Variants in CLCA1 observed in about 807,000 individuals in gnomAD.
CLCA1 encodes the protein calcium-activated chloride channel regulator 1.
A neutral mutation model predicts 85.6 loss-of-function variants in CLCA1; 59 were observed. The observed-to-expected ratio is 0.69, with a 90% CI of 0.56 to 0.86. The LOEUF (loss-of-function observed/expected upper bound fraction) is 0.86. Ranked by LOEUF, CLCA1 falls within the 40% of genes least tolerant of loss-of-function variation. The pLI is 0.00. For synonymous variants in CLCA1, 396 were observed against 398.3 expected (o/e 0.99, Z 0.07); for missense variants, 1,022 against 1,101.4 (o/e 0.93, Z 1.02).
At chr1:86,475,788 T>C (rs1461550170) in intron 3 of CLCA1, among the ~76,000 whole-genome samples, 1 of 152,142 alleles carries the variant, frequency 6.6e-6, no homozygotes, top group Non-Finnish European at 1.5e-5. Flanking sequence ...TTCATCCTAA[T>C]TCTAGAGTTT....
intron 4 of CLCA1, among the ~76,000 whole-genome samples, chr1:86,477,298 G>T (rs550995807): frequency 4.3e-4 from 66 of 152,318 alleles, no homozygotes; most frequent in African/African-American, 1.4e-3. Flanking sequence ...GACTCTGTCA[G>T]TATGAATGGG....
In CLCA1 at chr1:86,482,517, G is replaced by A. The variant is rs1647847292; in HGVS notation, c.735+135G>A. 6 of 815,188 alleles carry A rather than the reference G, an allele frequency of 7.4e-6. No homozygotes were observed. The South Asian group carries it at 8.1e-5, about 11-fold the overall frequency. 50.5% of individuals were successfully genotyped at this position (815,188 alleles called of 1,614,324 possible). A position where few individuals can be genotyped will look rare whatever the true frequency, so the allele number is the denominator to read the frequency against. ...GTGGATTATCTCTGGGACAAGCTGG[G>A]TGTGCAAGTCAAGGATAAAGTCCTG... On this transcript the variant is annotated intron_variant, in intron 5 of 13. Transcript: ENST00000394711.
In CLCA1 at chr1:86,493,480, A is replaced by G; in HGVS notation, c.1561A>G (p.Thr521Ala). 1 of 1,614,008 alleles carries G rather than the reference A, an allele frequency of 6.2e-7. No homozygotes were observed. The highest frequency in any genetic ancestry group is 1.1e-5 in the South Asian group (1 of 91,066). ...TVGKDTLFLITWTMQPPQILL... is the reference protein window; with the variant it reads ...TVGKDTLFLIAWTMQPPQILL... ...GGGAAAGGACACTTTGTTTCTTATC[A>G]CCTGGACAATGCAGCCTCCCCAAAT... Residue 521 changes from threonine (T) to alanine (A), a missense_variant, in exon 10 of 14, where the codon ACC becomes GCC. Thr to Ala is a moderately conservative substitution (Grantham distance 58). Transcript: ENST00000394711.
intron 4 of CLCA1, among the ~76,000 whole-genome samples, chr1:86,478,430 G>A (rs569196207): frequency 8.7e-4 from 128 of 147,182 alleles, no homozygotes; most frequent in Non-Finnish European, 1.3e-3. Flanking sequence ...CCATCCCCCC[G>A]AAAAAAAAAA....
Position 86,495,601 on chromosome 1 carries a change from G to T in CLCA1, c.2039G>T (p.Gly680Val), listed in dbSNP as rs376517239. 3 of 1,614,026 alleles carry T rather than the reference G, an allele frequency of 1.9e-6. No individual in the cohort carries two copies. In the African/African-American group the frequency reaches 4.0e-5, roughly 22 times the overall value. ...RYSVKVRALG[G>V]VNAARRRVIP... ...AGTGTAAAAGTGCGGGCTCTGGGAGGAGTTAACGCAGCCAGACGGAGAGTG... is the reference window on the plus strand; with the variant it reads ...AGTGTAAAAGTGCGGGCTCTGGGAGTAGTTAACGCAGCCAGACGGAGAGTG... Residue 680 changes from glycine to valine, a missense_variant, in exon 12 of 14, where the codon GGA (glycine) becomes GTA (valine). Coordinates refer to ENST00000394711, the MANE Select transcript of CLCA1 (RefSeq NM_001285.4).
At chr1:86,495,958 G>A (rs960741061) in intron 12 of CLCA1, among the ~76,000 whole-genome samples, 1 of 152,150 alleles carries the variant, frequency 6.6e-6, no homozygotes, top group Non-Finnish European at 1.5e-5. Context: ...CCTTAGGGGG[G>A]CAAACTAGCC....
In CLCA1 at chr1:86,482,262, T is replaced by C. The variant is rs1420992517; in HGVS notation, c.615T>C (p.Cys205=). The C allele has an allele frequency of 6.2e-7, 1 of 1,614,000 alleles. No individual in the cohort carries two copies. The highest frequency in any genetic ancestry group is 1.7e-5 in the Admixed American group (1 of 60,020). Residue 205 remains cysteine (C), a synonymous_variant, in exon 5 of 14, where the codon TGT becomes TGC. Transcript: ENST00000394711. ...NVVKKCQGGS[C]YTKRCTFNKV... Reference sequence around the variant, plus strand: ...TAAAGAAGTGTCAGGGAGGCAGCTGTTACACCAAAAGATGCACATTCAATA... The same window carrying C: ...TAAAGAAGTGTCAGGGAGGCAGCTGCTACACCAAAAGATGCACATTCAATA...
intron 3 of CLCA1, among the ~76,000 whole-genome samples, chr1:86,474,566 A>G (rs1969719): frequency 0.37 from 39,229 of 105,904 alleles, 6,230 homozygotes; most frequent in Non-Finnish European, 0.48. Flanking sequence ...AAAAAAAAAA[A>G]GGGGGGGGAT....
intron 12 of CLCA1, among the ~76,000 whole-genome samples, chr1:86,496,382 T>G (rs1488642605): frequency 6.6e-6 from 1 of 152,190 alleles, no homozygotes; most frequent in Non-Finnish European, 1.5e-5. Flanking sequence ...GCATAGTAGA[T>G]GAATTTCATG....
At chr1:86,478,427 C>T (rs201335237) in intron 4 of CLCA1, among the ~76,000 whole-genome samples, 1 of 151,768 alleles carries the variant, frequency 6.6e-6, no homozygotes, top group South Asian at 2.1e-4. Flanking sequence ...ACTCCATCCC[C>T]CCGAAAAAAA....
At chr1:86,485,311 C>T in intron 5 of CLCA1, 32 bp from the exon 6 acceptor site, 23 of 1,487,596 alleles carry the variant, frequency 1.5e-5, no homozygotes, top group Non-Finnish European at 2.1e-5. Flanking sequence ...CATAGTTTAC[C>T]ATTATCTATA....
At position 86,499,672 on chromosome 1, in the gene CLCA1, G is replaced by A. The variant is rs1208599799; in HGVS notation, c.2372G>A (p.Arg791Gln). ...TTTTTAGCTCACAAGTATATCATTC[G>A]AATAAGTACAAGTATTCTTGATCTC... Reference protein sequence around the residue: ...DHGTAHKYIIRISTSILDLRD... With the variant: ...DHGTAHKYIIQISTSILDLRD... The change falls in exon 14 of 14, where the codon CGA becomes CAA. Residue 791 changes from arginine (R) to glutamine (Q), a missense_variant. Transcript: ENST00000394711. 3.8e-6 allele frequency: 6 copies of A among 1,582,762 alleles called. No homozygotes were observed. The highest frequency in any genetic ancestry group is 2.2e-5 in the South Asian group (2 of 89,318).
intron 8 of CLCA1, among the ~76,000 whole-genome samples, chr1:86,489,673 T>G (rs1648083031): frequency 6.6e-6 from 1 of 152,198 alleles, no homozygotes; most frequent in Non-Finnish European, 1.5e-5. Flanking sequence ...TGGAATACAA[T>G]GCAGTTCCTC....
chr1:86,489,252 G>A, intron 8 of CLCA1, 82 bp downstream of exon 8: 2 of 1,338,270 alleles, frequency 1.5e-6, no homozygotes, highest in Non-Finnish European at 2.1e-6. Flanking sequence ...GTGGGGGAAA[G>A]ATGGGATGGA....
At chr1:86,470,405 G>A (rs1006774941) in intron 1 of CLCA1, among the ~76,000 whole-genome samples, 9 of 152,328 alleles carry the variant, frequency 5.9e-5, no homozygotes, top group Admixed American at 5.2e-4. Context: ...AAATTTGGAA[G>A]TGGCATCAGC....
intron 3 of CLCA1, among the ~76,000 whole-genome samples, chr1:86,475,865 C>A (rs1308029094): frequency 2.6e-5 from 4 of 152,068 alleles, no homozygotes; most frequent in Non-Finnish European, 5.9e-5. Flanking sequence ...CATCAGGGAC[C>A]TTGTACACCA....
At chr1:86,476,662 A>G (rs990968412) in intron 4 of CLCA1, 109 bp downstream of exon 4, 20 of 531,806 alleles carry the variant, frequency 3.8e-5, no homozygotes, top group African/African-American at 3.5e-4. Flanking sequence ...TCTAATTCAA[A>G]TTCATTCTTA....
intron 1 of CLCA1, among the ~76,000 whole-genome samples, chr1:86,470,273 A>G (rs1647465411): frequency 6.6e-6 from 1 of 152,174 alleles, no homozygotes; most frequent in South Asian, 2.1e-4. Context: ...GGAGGGTGTC[A>G]CTCACCATAA....
At chr1:86,491,746 C>T (rs1027956735) in intron 9 of CLCA1, among the ~76,000 whole-genome samples, 3 of 152,220 alleles carry the variant, frequency 2.0e-5, no homozygotes, top group Admixed American at 6.5e-5. Context: ...CCAGGGATTA[C>T]TTGCTTTATT....
Sources: allele counts gnomAD v4.1 joint callset (sites outside exome capture counted in the v4.1 genomes callset), GRCh38; gene constraint gnomAD v4.1.1; transcripts MANE v1.5; gene names NCBI Gene and HGNC (gene_info 2026-07-23, HGNC 2026-07-21).